Variants in UGT1A6 observed in about 807,000 individuals in gnomAD.
UGT1A6 encodes the protein UDP glucuronosyltransferase family 1 member A6, also known as UDP-glucuronosyltransferase 1A6.
A neutral mutation model predicts 44.4 loss-of-function variants in UGT1A6; 32 were observed. The ratio of observed to expected loss-of-function variants is 0.72; its 90% CI spans 0.54 to 0.97. UGT1A6 has a LOEUF of 0.97. UGT1A6 is among the 50% of genes least tolerant of loss of function. The pLI is 0.00. For synonymous variants in UGT1A6, 238 were observed against 248.5 expected (o/e 0.96, Z 0.40); for missense variants, 685 against 661.9 (o/e 1.03, Z -0.38).
intron 1 of UGT1A6, among the ~76,000 whole-genome samples, chr2:233,758,983 C>T (rs544214589): frequency 1.3e-5 from 2 of 152,264 alleles, no homozygotes; most frequent in South Asian, 4.2e-4. Context: ...GATCTTGGGC[C>T]AGTGGAATGA....
chr2:233,747,538 C>A lies in UGT1A6; in HGVS notation c.862-19496C>A. The stretch of plus-strand genomic sequence containing the variant: ...TTTGAAACAGAACATTTTCTGAAGA[C>A]ATTTTCTAAAAGTATGGCAATTTTG... On this transcript the variant is annotated intron_variant, in intron 1 of 4. Transcript: ENST00000305139. The A allele has an allele frequency of 3.7e-6, 6 of 1,604,366 alleles. No individual in the cohort carries two copies. The East Asian group carries it at 8.9e-5, about 24-fold the overall frequency.
At chr2:233,764,280 C>T (rs917844974) in intron 1 of UGT1A6, among the ~76,000 whole-genome samples, 5 of 151,996 alleles carry the variant, frequency 3.3e-5, no homozygotes, top group African/African-American at 1.2e-4. Flanking sequence ...TTGGTCATTC[C>T]GGTAACTGTG....
intron 1 of UGT1A6, among the ~76,000 whole-genome samples, chr2:233,723,682 C>CCTT: frequency 1.0e-5 from 1 of 95,480 alleles, no homozygotes; most frequent in African/African-American, 5.0e-5. Flanking sequence ...CTGCGGCCTT[C>CCTT]CGCAGTGTTT....
chr2:233,720,021 T>A (rs1332952782), intron 1 of UGT1A6, among the ~76,000 whole-genome samples: 2 of 151,934 alleles, frequency 1.3e-5, no homozygotes, highest in African/African-American at 4.8e-5. Context: ...CATCCTGGGG[T>A]TTTTGCTTGC....
rs200710764 is a variant in UGT1A6, at chr2:233,747,984, C to T, written c.862-19050C>T. ...CAGCCATGCATCTGTGTGGCTGTTC[C>T]GAGGGGACTTTGTGATGGATTACCC... On this transcript the variant is annotated intron_variant, in intron 1 of 4. Transcript: ENST00000305139. 917 of 1,613,424 alleles carry T rather than the reference C, an allele frequency of 5.7e-4. 5 individuals carry two copies. The highest frequency in any genetic ancestry group is 6.2e-4 in the Non-Finnish European group (735 of 1,179,898).
chr2:233,731,071 A>T (rs1317636951), intron 1 of UGT1A6, among the ~76,000 whole-genome samples: 1 of 151,958 alleles, frequency 6.6e-6, no homozygotes, highest in Admixed American at 6.6e-5. Flanking sequence ...CATGATTTAG[A>T]TCCTTTTGTA....
At chr2:233,723,367 A>C (rs1057114040) in intron 1 of UGT1A6, among the ~76,000 whole-genome samples, 6 of 125,432 alleles carry the variant, frequency 4.8e-5, no homozygotes, top group Middle Eastern at 3.9e-3. Context: ...ACGTCACCAC[A>C]CCTGGCTAAT....
chr2:233,755,122 C>T, intron 1 of UGT1A6: 1 of 1,328,086 alleles, frequency 7.5e-7, no homozygotes, highest in Non-Finnish European at 1.0e-6. Flanking sequence ...TAGGCCTCAG[C>T]CACCTGCTTG....
intron 1 of UGT1A6, chr2:233,747,398 C>T: frequency 1.9e-6 from 3 of 1,606,764 alleles, no homozygotes; most frequent in Non-Finnish European, 2.6e-6. Flanking sequence ...TGGTCCTCAC[C>T]CCAGAGGTGA....
intron 1 of UGT1A6, chr2:233,743,668 G>C (rs898129248): frequency 5.1e-6 from 7 of 1,367,120 alleles, no homozygotes; most frequent in Non-Finnish European, 6.9e-6. Flanking sequence ...AGGGGTCCTC[G>C]AAGGGCCTGC....
chr2:233,712,319 C>T (rs1479804817), intron 1 of UGT1A6, among the ~76,000 whole-genome samples: 1 of 149,708 alleles, frequency 6.7e-6, no homozygotes, highest in Non-Finnish European at 1.5e-5. Context: ...CTCAACAAAG[C>T]CTTTCCAAGA....
At chr2:233,711,551 A>G (rs1403446059) in intron 1 of UGT1A6, among the ~76,000 whole-genome samples, 2 of 152,184 alleles carry the variant, frequency 1.3e-5, no homozygotes, top group African/African-American at 2.4e-5. Context: ...CCTCCCCTGG[A>G]GAGTTCCCAA....
At chr2:233,715,102 T>C (rs1462958719) in intron 1 of UGT1A6, among the ~76,000 whole-genome samples, 2 of 152,140 alleles carry the variant, frequency 1.3e-5, no homozygotes, top group East Asian at 3.9e-4. Context: ...GCCAGGCTGA[T>C]CTCAAATGCC....
intron 1 of UGT1A6, chr2:233,719,366 T>C (rs755765177): frequency 3.1e-6 from 5 of 1,613,968 alleles, no homozygotes; most frequent in South Asian, 1.1e-5. Flanking sequence ...ACTTAGACTT[T>C]AAGGGCACAC....
intron 1 of UGT1A6, among the ~76,000 whole-genome samples, chr2:233,724,378 G>A (rs1437497782): frequency 1.4e-5 from 2 of 146,678 alleles, no homozygotes; most frequent in East Asian, 2.1e-4. Flanking sequence ...TGGCTGCCGG[G>A]CGGAGACGCT....
In UGT1A6 at chr2:233,743,160, T is replaced by C. The variant is rs191127881; in HGVS notation, c.862-23874T>C. On this transcript the variant is annotated intron_variant, in intron 1 of 4. Coordinates refer to ENST00000305139, the MANE Select transcript of UGT1A6 (RefSeq NM_001072.4). ...AAAAAAAGTCCGCTATTCCTCCAGA[T>C]GTGCTTAAAGTCAAATGTGGACTGG... The C allele has an allele frequency of 3.8e-4, 139 of 361,394 alleles. 1 individual carries two copies. Among genetic ancestry groups the C allele is most frequent in the Middle Eastern group, 7.9e-4 (2 of 2,540 alleles). 22.4% of individuals were successfully genotyped at this position (361,394 alleles called of 1,614,324 possible). A position where few individuals can be genotyped will look rare whatever the true frequency, so the allele number is the denominator to read the frequency against.
chr2:233,716,843 C>A (rs1303779141), intron 1 of UGT1A6, among the ~76,000 whole-genome samples: 1 of 152,176 alleles, frequency 6.6e-6, no homozygotes, highest in African/African-American at 2.4e-5. Flanking sequence ...ATGGCTTCAG[C>A]TACCACATAT....
chr2:233,724,182 C>T (rs1411199563), intron 1 of UGT1A6, among the ~76,000 whole-genome samples: 18 of 119,544 alleles, frequency 1.5e-4, no homozygotes, highest in African/African-American at 3.0e-4. Flanking sequence ...ATCTCCCTCC[C>T]GGACGGGGTG....
Position 233,768,558 on chromosome 2 carries a change from T to C in UGT1A6, c.1301+119T>C. On this transcript the variant is annotated intron_variant, in intron 4 of 4. Transcript: ENST00000305139. ...TGTTTCAAATATAAAAACAAATACA[T>C]AAAAATCTGGATTTTTATTTCTTCT... 3.4e-6 allele frequency: 4 copies of C among 1,184,218 alleles called. No individual in the cohort carries two copies. In the South Asian group the frequency reaches 4.4e-5, roughly 13 times the overall value. The allele number at this position is 1,184,218 out of a possible 1,614,324, so 73.4% of individuals were successfully genotyped here.
Sources: allele counts gnomAD v4.1 joint callset (sites outside exome capture counted in the v4.1 genomes callset), GRCh38; gene constraint gnomAD v4.1.1; transcripts MANE v1.5; gene names NCBI Gene and HGNC (gene_info 2026-07-23, HGNC 2026-07-21).